Variants in TAFA2 observed in about 807,000 individuals in gnomAD.
TAFA2 encodes TAFA chemokine like family member 2.
Under a neutral mutation model 18.8 loss-of-function variants are expected in TAFA2, and 7 were observed. The ratio of observed to expected loss-of-function variants is 0.37; its 90% confidence interval spans 0.21 to 0.70. TAFA2 has a LOEUF of 0.70. TAFA2 is among the 30% of genes least tolerant of loss of function. The pLI, the probability that TAFA2 is intolerant of heterozygous loss-of-function variation, is 0.53. For synonymous variants in TAFA2, 60 were observed against 54.2 expected (o/e 1.11, Z -0.47); for missense variants, 122 against 158.1 (o/e 0.77, Z 1.23).
At chr12:62,145,447 T>C (rs1203313920) in intron 1 of TAFA2, 3 of 152,172 alleles carry the variant, frequency 2.0e-5, no homozygotes, top group Non-Finnish European at 4.4e-5. Context: ...GAAACCATCC[T>C]CCGCACCCCC....
At chr12:62,002,942 TACC>T (rs1434834462) in intron 1 of TAFA2, among the ~76,000 whole-genome samples, 2 of 152,170 alleles carry the variant, frequency 1.3e-5, no homozygotes, top group Admixed American at 6.5e-5. Flanking sequence ...GCATTAATTC[TACC>T]AATTTTTTAT....
At chr12:62,109,265 G>C (rs151114656) in intron 1 of TAFA2, among the ~76,000 whole-genome samples, 1 of 152,236 alleles carries the variant, frequency 6.6e-6, no homozygotes, top group East Asian at 1.9e-4. Context: ...GTTTTTGTCA[G>C]GTTTGTCGAA....
chr12:62,249,138 C>CA (rs998494738), intron 1 of TAFA2, among the ~76,000 whole-genome samples: 1 of 151,892 alleles, frequency 6.6e-6, no homozygotes, highest in Non-Finnish European at 1.5e-5. Context: ...ACACATTGCA[C>CA]AATGTGACCC....
chr12:61,913,936 G>T (rs1034369652), intron 1 of TAFA2, among the ~76,000 whole-genome samples: 1 of 152,156 alleles, frequency 6.6e-6, no homozygotes, highest in Non-Finnish European at 1.5e-5. Flanking sequence ...GGTGACAAAA[G>T]AAACAATCAG....
At chr12:62,248,238 G>A (rs1334730594) in intron 1 of TAFA2, among the ~76,000 whole-genome samples, 1 of 152,210 alleles carries the variant, frequency 6.6e-6, no homozygotes, top group Non-Finnish European at 1.5e-5. Flanking sequence ...CAGTGCAGGG[G>A]TGGGCCCTTA....
rs143206569 is a variant in TAFA2, at chr12:62,238,281, G to A, written c.-130+20482C>T. 1.8e-3 allele frequency among the ~76,000 whole-genome samples: 277 copies of A among 152,246 alleles called. 1 individual carries two copies. Among genetic ancestry groups the A allele is most frequent in the African/African-American group, 6.6e-3 (273 of 41,540 alleles). ...CTTTGTGGTCCTAGGGGTCATCTCAGCCCCAAATTTAAATTCTAGGATACT... is the reference window on the plus strand; with the variant it reads ...CTTTGTGGTCCTAGGGGTCATCTCAACCCCAAATTTAAATTCTAGGATACT... On this transcript the variant is annotated intron_variant, in intron 1 of 5. Coordinates refer to the TAFA2 transcript ENST00000551619.
intron 1 of TAFA2, chr12:62,021,481 T>A (rs1020069522): frequency 1.6e-6 from 1 of 624,146 alleles, no homozygotes; most frequent in Admixed American, 2.5e-5. Context: ...ATTCTTTTTT[T>A]TTTTTCTGTC....
chr12:61,851,043 T>C (rs1160310890), intron 2 of TAFA2, among the ~76,000 whole-genome samples: 2 of 152,238 alleles, frequency 1.3e-5, no homozygotes, highest in Non-Finnish European at 2.9e-5. Flanking sequence ...ATATCATAAT[T>C]ATATTTATTC....
intron 4 of TAFA2, among the ~76,000 whole-genome samples, chr12:61,715,007 T>G (rs1217927941): frequency 1.3e-5 from 2 of 152,204 alleles, no homozygotes; most frequent in African/African-American, 4.8e-5. Context: ...ACCCTTGGCC[T>G]CCCTGTGTGT....
intron 4 of TAFA2, among the ~76,000 whole-genome samples, chr12:61,732,020 T>G (rs1452845147): frequency 6.6e-6 from 1 of 152,060 alleles, no homozygotes; most frequent in Non-Finnish European, 1.5e-5. Flanking sequence ...ACATAAAATT[T>G]TAATGTATTT....
At chr12:61,862,110 A>G (rs896392325) in intron 2 of TAFA2, among the ~76,000 whole-genome samples, 1 of 152,244 alleles carries the variant, frequency 6.6e-6, no homozygotes, top group African/African-American at 2.4e-5. Context: ...AGAAAAGACA[A>G]GAAAACATAT....
intron 1 of TAFA2, among the ~76,000 whole-genome samples, chr12:61,902,149 G>T (rs1173279452): frequency 6.8e-6 from 1 of 146,320 alleles, no homozygotes; most frequent in African/African-American, 2.6e-5. Flanking sequence ...TAGGAATCCA[G>T]CCTCTTGGTA....
chr12:62,104,830 T>C (rs2136855867), intron 1 of TAFA2: 1 of 359,482 alleles, frequency 2.8e-6, no homozygotes, highest in Non-Finnish European at 5.6e-6. Flanking sequence ...CAAGGTGATT[T>C]TGAGGCTCAA....
At chr12:61,893,827 T>G (rs1875733137) in intron 1 of TAFA2, among the ~76,000 whole-genome samples, 1 of 152,254 alleles carries the variant, frequency 6.6e-6, no homozygotes, top group African/African-American at 2.4e-5. Flanking sequence ...GATAGCTAAA[T>G]GAATGTTAGA....
intron 1 of TAFA2, among the ~76,000 whole-genome samples, chr12:61,953,510 C>T (rs1878540592): frequency 6.6e-6 from 1 of 152,118 alleles, no homozygotes; most frequent in Non-Finnish European, 1.5e-5. Flanking sequence ...TACTGTCAAT[C>T]ACTCACTGGG....
intron 1 of TAFA2, among the ~76,000 whole-genome samples, chr12:62,019,351 C>T (rs1410182671): frequency 1.8e-4 from 27 of 150,904 alleles, no homozygotes; most frequent in Admixed American, 9.2e-4. Context: ...TTATAAATCA[C>T]GCTGCTATAA....
At chr12:62,168,972 A>ACACACT in intron 1 of TAFA2, among the ~76,000 whole-genome samples, 1 of 151,678 alleles carries the variant, frequency 6.6e-6, no homozygotes, top group Admixed American at 6.6e-5. Flanking sequence ...ACACACACAC[A>ACACACT]TATTTTTAAA....
chr12:62,056,234 C>A (rs1190221801), intron 1 of TAFA2, among the ~76,000 whole-genome samples: 5 of 152,168 alleles, frequency 3.3e-5, no homozygotes, highest in Admixed American at 6.5e-5. Flanking sequence ...AGGCAACCCA[C>A]ACAATAGCTT....
intron 1 of TAFA2, among the ~76,000 whole-genome samples, chr12:62,106,320 T>C (rs148446733): frequency 3.0e-4 from 45 of 150,470 alleles, no homozygotes; most frequent in African/African-American, 1.1e-3. Flanking sequence ...AGCAACAGAG[T>C]GAGACTCCAT....
Sources: allele counts gnomAD v4.1 joint callset (sites outside exome capture counted in the v4.1 genomes callset), GRCh38; gene constraint gnomAD v4.1.1; transcripts MANE v1.5; gene names NCBI Gene and HGNC (gene_info 2026-07-23, HGNC 2026-07-21).